The following AQR variants were observed in gnomAD, a reference collection of about 807,000 sequenced individuals.
AQR encodes the protein aquarius intron-binding spliceosomal factor, also known as RNA helicase aquarius.
Under a neutral mutation model 180.5 loss-of-function variants are expected in AQR, and 61 were observed. That is an observed-to-expected ratio of 0.34 (90% CI 0.28 to 0.42). The LOEUF is 0.42. AQR is among the 10% of genes least tolerant of loss of function. The probability of loss-of-function intolerance (pLI) is 1.00; values close to 1 mark genes in which losing one functional copy is unlikely to be tolerated. For synonymous variants in AQR, 551 were observed against 588.8 expected, an observed-to-expected ratio of 0.94 and a Z score of 0.93; for missense variants, 1,281 against 1,798.3, an observed-to-expected ratio of 0.71 and a Z score of 5.20.
intron 2 of AQR, among the ~76,000 whole-genome samples, chr15:34,961,839 G>A (rs528949124): frequency 1.3e-5 from 2 of 151,920 alleles, no homozygotes; most frequent in South Asian, 2.1e-4. Flanking sequence ...CAGGGTTACT[G>A]AAAATAAAAT....
intron 33 of AQR, among the ~76,000 whole-genome samples, chr15:34,861,845 A>G (rs73389669): frequency 0.02 from 3,042 of 152,262 alleles, 115 homozygotes; most frequent in African/African-American, 0.07. Flanking sequence ...TATTATTATT[A>G]AACACACAAG....
In AQR at chr15:34,882,550, A is replaced by G; in HGVS notation, c.3117T>C (p.Cys1039=). 1 of 1,611,618 alleles carries G rather than the reference A, an allele frequency of 6.2e-7. No individual in the cohort carries two copies. The highest frequency in any genetic ancestry group is 8.5e-7 in the Non-Finnish European group (1 of 1,178,950). The part of the protein sequence containing the change: ...VKEAKIIAMT[C]THAALKRHDL... ...CATGTCGTTTTAAGGCAGCATGAGT[A>G]CAGGTCATAGCAATAATTTTGGCTT... The change falls in exon 27 of 35, where the codon TGT becomes TGC. Residue 1039 remains cysteine, a synonymous_variant. Coordinates refer to ENST00000156471, the MANE Select transcript of AQR (RefSeq NM_014691.3).
At chr15:34,912,984 C>T (rs1170154827) in intron 16 of AQR, among the ~76,000 whole-genome samples, 1 of 152,192 alleles carries the variant, frequency 6.6e-6, no homozygotes, top group Non-Finnish European at 1.5e-5. Context: ...TACTTAGTGG[C>T]TAAACCCTTG....
chr15:34,896,160 CTTTGCAGGCTAAGCAAT>C, intron 22 of AQR, among the ~76,000 whole-genome samples: 1 of 152,306 alleles, frequency 6.6e-6, no homozygotes, highest in East Asian at 1.9e-4. Context: ...GCATTTTCGG[CTTTGCAGGCTAAGCAAT>C]CTCTGTTGCA....
intron 17 of AQR, among the ~76,000 whole-genome samples, chr15:34,907,729 A>T (rs192495222): frequency 2.0e-4 from 30 of 152,338 alleles, no homozygotes; most frequent in African/African-American, 7.0e-4. Flanking sequence ...AATGGGAATC[A>T]TCCTACTCTC....
intron 19 of AQR, 122 bp from the exon 20 acceptor site, chr15:34,900,985 T>C (rs1473270604): frequency 3.8e-6 from 5 of 1,312,746 alleles, no homozygotes; most frequent in East Asian, 2.4e-5. Context: ...CAAGAAGCTA[T>C]TTTCCGCTGG....
intron 3 of AQR, among the ~76,000 whole-genome samples, chr15:34,954,837 T>C (rs1894282960): frequency 6.6e-6 from 1 of 151,798 alleles, no homozygotes; most frequent in Admixed American, 6.6e-5. Context: ...AAGATAAGTA[T>C]GGAAGGCCGG....
chr15:34,927,813 T>A (rs1295692940), intron 12 of AQR, among the ~76,000 whole-genome samples: 2 of 152,214 alleles, frequency 1.3e-5, no homozygotes, highest in Non-Finnish European at 2.9e-5. Context: ...AAGGTTGCCA[T>A]GAGTGAGCTT....
intron 18 of AQR, among the ~76,000 whole-genome samples, chr15:34,905,807 G>T (rs1893403448): frequency 6.6e-6 from 1 of 152,128 alleles, no homozygotes; most frequent in Admixed American, 6.5e-5. Context: ...GAATAAAGAT[G>T]ATTTCAAAAG....
intron 27 of AQR, among the ~76,000 whole-genome samples, chr15:34,877,867 A>T (rs1332132170): frequency 6.6e-6 from 1 of 152,154 alleles, no homozygotes; most frequent in Non-Finnish European, 1.5e-5. Context: ...GCTAGGAGCT[A>T]GTCTTTGTGA....
At chr15:34,860,185 T>A in intron 33 of AQR, 30 bp from the exon 34 acceptor site, 1 of 1,269,526 alleles carries the variant, frequency 7.9e-7, no homozygotes, top group Non-Finnish European at 1.1e-6. Context: ...ACGTTAAGTA[T>A]CTAGTAAAAC....
At chr15:34,862,130 A>T (rs1001387218) in intron 33 of AQR, among the ~76,000 whole-genome samples, 3 of 152,168 alleles carry the variant, frequency 2.0e-5, no homozygotes, top group Non-Finnish European at 4.4e-5. Context: ...AGAAGGGGAG[A>T]TAAGAGGGAG....
At chr15:34,955,105 A>C (rs533012831) in intron 3 of AQR, among the ~76,000 whole-genome samples, 1 of 152,316 alleles carries the variant, frequency 6.6e-6, no homozygotes, top group East Asian at 1.9e-4. Context: ...CCCAGGTGAC[A>C]GAGTGAGTCT....
At chr15:34,958,078 G>T (rs1894351986) in intron 3 of AQR, among the ~76,000 whole-genome samples, 1 of 151,626 alleles carries the variant, frequency 6.6e-6, no homozygotes, top group Non-Finnish European at 1.5e-5. Flanking sequence ...CGTGGTGGCG[G>T]GCGCCTGTAA....
At chr15:34,916,897 A>G (rs1036023921) in intron 15 of AQR, among the ~76,000 whole-genome samples, 4 of 116,544 alleles carry the variant, frequency 3.4e-5, no homozygotes, top group Admixed American at 2.5e-4. Context: ...AAAAAAAAAA[A>G]AAAAGAAAGA....
At chr15:34,859,458 TGG>T (rs1355533330) in intron 34 of AQR, among the ~76,000 whole-genome samples, 1 of 152,174 alleles carries the variant, frequency 6.6e-6, no homozygotes, top group Non-Finnish European at 1.5e-5. Flanking sequence ...GAGTGTAAAG[TGG>T]TTCAACCACT....
chr15:34,913,047 G>T (rs1289830129), intron 16 of AQR, among the ~76,000 whole-genome samples: 1 of 152,106 alleles, frequency 6.6e-6, no homozygotes, highest in South Asian at 2.1e-4. Flanking sequence ...ATGCAGTATA[G>T]TTTACATACC....
At chr15:34,901,773 C>T (rs914580135) in intron 19 of AQR, among the ~76,000 whole-genome samples, 2 of 152,100 alleles carry the variant, frequency 1.3e-5, no homozygotes, top group Non-Finnish European at 2.9e-5. Context: ...TTGTTTTATC[C>T]CTACTATCCC....
chr15:34,934,649 A>G lies in AQR; in HGVS notation c.719-14T>C. On this transcript the variant is annotated splice_polypyrimidine_tract_variant and intron_variant, in intron 9 of 34. Coordinates refer to ENST00000156471, the MANE Select transcript of AQR (RefSeq NM_014691.3). ...TAGTGACAGGTTCTAGACATAAGAG[A>G]GAACGCATGATAGAATTTCCTTACT... 1.3e-6 allele frequency: 2 copies of G among 1,530,778 alleles called. No individual in the cohort carries two copies. Among genetic ancestry groups the G allele is most frequent in the Non-Finnish European group, 1.8e-6 (2 of 1,142,010 alleles). The allele number at this position is 1,530,778 out of a possible 1,614,324, so 94.8% of individuals were successfully genotyped here.
Sources: gnomAD v4.1 joint callset for allele counts (sites outside exome capture counted in the v4.1 genomes callset) on GRCh38, gnomAD v4.1.1 for gene constraint, MANE v1.5 for transcripts, NCBI Gene and HGNC (gene_info 2026-07-23, HGNC 2026-07-21) for gene names.